Variants in KL observed in about 807,000 individuals in gnomAD.
The protein encoded by KL is alpha-klotho.
A neutral mutation model predicts 84.2 loss-of-function variants in KL; 62 were observed. That is an observed-to-expected ratio of 0.74 (90% CI 0.60 to 0.91). KL has a LOEUF of 0.91. KL is among the 40% of genes least tolerant of loss of function. The pLI, the probability that KL is intolerant of heterozygous loss-of-function variation, is 0.00. For missense variants in KL, 1,261 were observed against 1,305.7 expected, an observed-to-expected ratio of 0.97 and a Z score of 0.53; for synonymous variants, 528 against 528.0, an observed-to-expected ratio of 1.00 and a Z score of 0.00.
chr13:33,063,748 G>T (rs1478400504), intron 4 of KL, 101 bp from the exon 5 acceptor site: 21 of 1,060,160 alleles, frequency 2.0e-5, no homozygotes, highest in Non-Finnish European at 3.1e-5. Flanking sequence ...TTGCACTCCA[G>T]CCTGTGTGAC....
chr13:33,061,211 G>T lies in KL; in HGVS notation c.2132G>T (p.Trp711Leu). Residue 711 changes from tryptophan (W) to leucine (L), a missense_variant, in exon 4 of 5, where the codon TGG becomes TTG. Trp to Leu is a moderately conservative substitution (Grantham distance 61). Coordinates refer to ENST00000380099, the MANE Select transcript of KL (RefSeq NM_004795.4). Reference protein sequence around the residue: ...HNLLKAHALAWHVYNEKFRHA... With the variant: ...HNLLKAHALALHVYNEKFRHA... Reference sequence around the variant, plus strand: ...CTTCTGAAGGCCCATGCCCTGGCTTGGCATGTGTACAATGAAAAGTTTAGG... The same window carrying T: ...CTTCTGAAGGCCCATGCCCTGGCTTTGCATGTGTACAATGAAAAGTTTAGG... The T allele has an allele frequency of 6.2e-7, 1 of 1,614,214 alleles. No homozygotes were observed. The highest frequency in any genetic ancestry group is 1.1e-5 in the South Asian group (1 of 91,078).
rs1433984777 is a variant in KL at position 33,026,641 on chromosome 13, A to C, written c.819+9382A>C. 2.6e-5 allele frequency among the ~76,000 whole-genome samples: 4 copies of C among 152,150 alleles called. No homozygotes were observed. In the East Asian group the frequency reaches 7.7e-4, roughly 29 times the overall value. On this transcript the variant is annotated intron_variant, in intron 1 of 4. Transcript: ENST00000380099. Reference sequence around the variant, plus strand: ...TTCTGGCAGTTAAGCACCACTCACTATCTGGCCTCTGTAATTTCAACTTCT... The same window carrying C: ...TTCTGGCAGTTAAGCACCACTCACTCTCTGGCCTCTGTAATTTCAACTTCT...
intron 1 of KL, among the ~76,000 whole-genome samples, chr13:33,027,190 A>G (rs1192010950): frequency 6.6e-6 from 1 of 152,176 alleles, no homozygotes; most frequent in Non-Finnish European, 1.5e-5. Flanking sequence ...ATGTTGGGAT[A>G]TAGTATCTTT....
Position 33,054,085 on chromosome 13 carries a change from T to G in KL, c.1138T>G (p.Leu380Val), listed in dbSNP as rs1347113990. 2 of 1,614,110 alleles carry G rather than the reference T, an allele frequency of 1.2e-6. No homozygotes were observed. Among genetic ancestry groups the G allele is most frequent in the Non-Finnish European group, 1.7e-6 (2 of 1,180,006 alleles). Residue 380 changes from leucine to valine, a missense_variant, in exon 2 of 5, where the codon TTG becomes GTG. By Grantham distance (32) the Leu-to-Val change is conservative. Coordinates refer to ENST00000380099, the MANE Select transcript of KL (RefSeq NM_004795.4). ...CFGPTLSFQL[L>V]DPHMKFRQLE... ...TGGACCCACCTTGAGTTTTCAACTT[T>G]TGGACCCTCACATGAAGTTCCGCCA...
intron 1 of KL, among the ~76,000 whole-genome samples, chr13:33,027,374 A>G (rs1870816595): frequency 6.6e-6 from 1 of 152,130 alleles, no homozygotes; most frequent in Non-Finnish European, 1.5e-5. Context: ...GTAAGCTCCA[A>G]ATATTCCCAG....
At chr13:33,044,581 T>G (rs1365660881) in intron 1 of KL, among the ~76,000 whole-genome samples, 1 of 151,982 alleles carries the variant, frequency 6.6e-6, no homozygotes, top group Non-Finnish European at 1.5e-5. Flanking sequence ...GTAAGTGGCA[T>G]TGTATTTAAA....
At position 33,061,559 on chromosome 13, in the gene KL, A is replaced by G. The variant is rs781599118; in HGVS notation, c.2480A>G (p.Tyr827Cys). The G allele has an allele frequency of 1.9e-6, 3 of 1,614,112 alleles. No homozygotes were observed. Among genetic ancestry groups the G allele is most frequent in the African/African-American group, 2.7e-5 (2 of 74,930 alleles). ...EKEDPIKYND[Y>C]LEVQEMTDIT... ...GAAGATCCAATAAAATACAATGATT[A>G]CCTAGAAGTGCAAGAAATGACCGAC... Residue 827 changes from tyrosine (Y) to cysteine (C), a missense_variant, in exon 4 of 5, where the codon TAC (tyrosine) becomes TGC (cysteine). Transcript: ENST00000380099.
At chr13:33,030,820 A>C (rs544190797) in intron 1 of KL, among the ~76,000 whole-genome samples, 1 of 152,374 alleles carries the variant, frequency 6.6e-6, no homozygotes, top group South Asian at 2.1e-4. Flanking sequence ...AACATATAAA[A>C]AATTCTTGAA....
chr13:33,055,327 G>T lies in KL; in HGVS notation c.1599+12G>T. 2 of 1,614,122 alleles carry T rather than the reference G, an allele frequency of 1.2e-6. No homozygotes were observed. The highest frequency in any genetic ancestry group is 2.2e-5 in the South Asian group (2 of 91,064). On this transcript the variant is annotated intron_variant, in intron 3 of 4. Transcript: ENST00000380099. ...ACAACTACATTCAAGTAAGTCAGCTGACAAAACCAATCAGCAGTCTCACCA... is the reference window on the plus strand; with the variant it reads ...ACAACTACATTCAAGTAAGTCAGCTTACAAAACCAATCAGCAGTCTCACCA...
chr13:33,040,638 T>A (rs1871303879), intron 1 of KL, among the ~76,000 whole-genome samples: 1 of 152,234 alleles, frequency 6.6e-6, no homozygotes, highest in Non-Finnish European at 1.5e-5. Context: ...CTTTAAGAAT[T>A]ATTCCATTTC....
chr13:33,022,901 G>C (rs1413952432), intron 1 of KL, among the ~76,000 whole-genome samples: 2 of 152,208 alleles, frequency 1.3e-5, no homozygotes, highest in Non-Finnish European at 2.9e-5. Context: ...GGAATATTGC[G>C]CTTGCAGTCT....
rs949483415 is a variant in KL at position 33,064,903 on chromosome 13, A to C, written c.*717A>C. 8.8e-6 allele frequency: 2 copies of C among 228,310 alleles called. No homozygotes were observed. Among genetic ancestry groups the C allele is most frequent in the Non-Finnish European group, 1.7e-5 (2 of 115,124 alleles). The allele number at this position is 228,310 out of a possible 1,614,324, so 14.1% of individuals were successfully genotyped here. On this transcript the variant is annotated 3_prime_UTR_variant, in exon 5 of 5. Transcript: ENST00000380099. ...CTTGTTGAGGGCCTTGCACATAGGA[A>C]ACTTTTGATAAGTATCTGCGGAAAA... is the stretch of plus-strand genomic sequence containing the variant.
chr13:33,035,673 A>G (rs943179713), intron 1 of KL, among the ~76,000 whole-genome samples: 5 of 152,204 alleles, frequency 3.3e-5, no homozygotes, highest in South Asian at 2.1e-4. Context: ...ACAGAGATAC[A>G]AAAACCAGGA....
In KL at chr13:33,060,839, A is replaced by T; in HGVS notation, c.1760A>T (p.Glu587Val). 1 of 1,614,206 alleles carries T rather than the reference A, an allele frequency of 6.2e-7. No individual in the cohort carries two copies. Among genetic ancestry groups the T allele is most frequent in the Non-Finnish European group, 8.5e-7 (1 of 1,180,022 alleles). Residue 587 changes from glutamate (E) to valine (V), a missense_variant, in exon 4 of 5, where the codon GAA (glutamate) becomes GTA (valine). Transcript: ENST00000380099. Reference sequence around the variant, plus strand: ...CAGCCCCAGATCGCTTTACTCCAGGAAATGCACGTTACACATTTTCGCTTC... The same window carrying T: ...CAGCCCCAGATCGCTTTACTCCAGGTAATGCACGTTACACATTTTCGCTTC... Reference protein sequence around the residue: ...AIQPQIALLQEMHVTHFRFSL... With the variant: ...AIQPQIALLQVMHVTHFRFSL...
chr13:33,055,029 C>A lies in KL; in HGVS notation c.1331-18C>A, dbSNP rs1046383482. On this transcript the variant is annotated intron_variant, in intron 2 of 4. Coordinates refer to ENST00000380099, the MANE Select transcript of KL (RefSeq NM_004795.4). ...CAGCGAAGGGTCATGTTGCTCTTGT[C>A]CCCTCTTCCCTTTGCAGCCATCAAG... 10 of 1,613,984 alleles carry A rather than the reference C, an allele frequency of 6.2e-6. No individual in the cohort carries two copies. Among genetic ancestry groups the A allele is most frequent in the African/African-American group, 1.3e-5 (1 of 74,916 alleles).
At chr13:33,031,986 G>C (rs766907585) in intron 1 of KL, among the ~76,000 whole-genome samples, 2 of 152,044 alleles carry the variant, frequency 1.3e-5, no homozygotes, top group African/African-American at 4.8e-5. Context: ...TGACTTTCCT[G>C]TGGGTACCAA....
Position 33,016,562 on chromosome 13 carries a change from C to A in KL, c.122C>A (p.Thr41Asn). The part of the protein sequence containing the change: ...LRAEPGDGAQ[T>N]WARFSRPPAP... ...GCGGAGCCGGGCGACGGCGCGCAGA[C>A]CTGGGCCCGTTTCTCGCGGCCTCCT... Residue 41 changes from threonine to asparagine, a missense_variant, in exon 1 of 5, where the codon ACC becomes AAC. Thr to Asn is a moderately conservative substitution (Grantham distance 65, BLOSUM62 0). Transcript: ENST00000380099. 3 of 1,473,690 alleles carry A rather than the reference C, an allele frequency of 2.0e-6. No homozygotes were observed. Among genetic ancestry groups the A allele is most frequent in the Non-Finnish European group, 2.7e-6 (3 of 1,115,764 alleles). The allele number at this position is 1,473,690 out of a possible 1,614,324, so 91.3% of individuals were successfully genotyped here.
rs1449467176 is a variant in KL, at chr13:33,065,711, A to T, written c.*1525A>T. The T allele has an allele frequency of 5.7e-6, 1 of 176,466 alleles. No homozygotes were observed. Among genetic ancestry groups the T allele is most frequent in the Non-Finnish European group, 1.2e-5 (1 of 82,140 alleles). The allele number at this position is 176,466 out of a possible 1,614,324, so 10.9% of individuals were successfully genotyped here. ...ATATTTTTCTGATTATAAGAGTAAT[A>T]TATGTTCATTGTAAAAATTTTTAAA... is the stretch of plus-strand genomic sequence containing the variant. On this transcript the variant is annotated 3_prime_UTR_variant, in exon 5 of 5. Coordinates refer to ENST00000380099, the MANE Select transcript of KL (RefSeq NM_004795.4).
chr13:33,059,185 G>C (rs532934737), intron 3 of KL, among the ~76,000 whole-genome samples: 118 of 152,186 alleles, frequency 7.8e-4, no homozygotes, highest in Non-Finnish European at 1.3e-3. Flanking sequence ...CAGGCTTAGG[G>C]TGCAGATCTT....
Sources: gnomAD v4.1 joint callset for allele counts (sites outside exome capture counted in the v4.1 genomes callset) on GRCh38, gnomAD v4.1.1 for gene constraint, MANE v1.5 for transcripts, NCBI Gene and HGNC (gene_info 2026-07-23, HGNC 2026-07-21) for gene names.